Variants in MDGA2 observed in about 807,000 individuals in gnomAD.
MDGA2 encodes the protein MAM domain-containing glycosylphosphatidylinositol anchor protein 2.
MDGA2 carries 40 observed loss-of-function variants against 117.8 expected under a neutral mutation model. That is an observed-to-expected ratio of 0.34 (90% confidence interval 0.26 to 0.44). The LOEUF is 0.44. Among genes scored for constraint, MDGA2 ranks in the 20% least tolerant of loss-of-function variants. The probability of loss-of-function intolerance (pLI) is 1.00; values close to 1 mark genes in which losing one functional copy is unlikely to be tolerated. For missense variants in MDGA2, 1,123 were observed against 1,250.6 expected, an observed-to-expected ratio of 0.90 and a Z score of 1.54; for synonymous variants, 452 against 439.0, an observed-to-expected ratio of 1.03 and a Z score of -0.37.
In MDGA2 at chr14:47,542,647, A is replaced by T. The variant is rs116046570; in HGVS notation, c.280+131870T>A. 2.5e-3 allele frequency among the ~76,000 whole-genome samples: 377 copies of T among 152,336 alleles called. 1 individual carries two copies. Among genetic ancestry groups the T allele is most frequent in the African/African-American group, 8.6e-3 (357 of 41,560 alleles). ...AGAGACAGTATTTTAAGTCATTAGT[A>T]GGTTGAAGACATAATAATATCATTT... On this transcript the variant is annotated intron_variant, in intron 1 of 16. Coordinates refer to ENST00000399232, the MANE Select transcript of MDGA2 (RefSeq NM_001113498.3).
intron 8 of MDGA2, among the ~76,000 whole-genome samples, chr14:46,973,440 T>G (rs1429259368): frequency 6.6e-6 from 1 of 152,136 alleles, no homozygotes; most frequent in African/African-American, 2.4e-5. Context: ...ACATAAAGCT[T>G]GCAGATCAGC....
intron 3 of MDGA2, among the ~76,000 whole-genome samples, chr14:47,164,877 T>C (rs1454088178): frequency 2.6e-5 from 4 of 152,094 alleles, no homozygotes; most frequent in Non-Finnish European, 5.9e-5. Flanking sequence ...ATAGACTGGA[T>C]TGAGAAAATG....
chr14:47,520,091 G>T (rs1894837884), intron 1 of MDGA2, among the ~76,000 whole-genome samples: 1 of 152,136 alleles, frequency 6.6e-6, no homozygotes, highest in Non-Finnish European at 1.5e-5. Flanking sequence ...ACTAATTCCA[G>T]ATCTCAGATA....
At chr14:47,191,208 T>C (rs1352012798) in intron 3 of MDGA2, among the ~76,000 whole-genome samples, 1 of 151,852 alleles carries the variant, frequency 6.6e-6, no homozygotes, top group Non-Finnish European at 1.5e-5. Flanking sequence ...TCATGCATAT[T>C]AGCACTTCAA....
chr14:46,996,236 T>C (rs1057045483), intron 8 of MDGA2, among the ~76,000 whole-genome samples: 1 of 152,184 alleles, frequency 6.6e-6, no homozygotes, highest in Non-Finnish European at 1.5e-5. Context: ...ACTTGAATTA[T>C]CTTTCTAAAT....
intron 1 of MDGA2, among the ~76,000 whole-genome samples, chr14:47,654,447 C>G (rs1897705181): frequency 6.6e-6 from 1 of 151,994 alleles, no homozygotes; most frequent in African/African-American, 2.4e-5. Context: ...GGCCAACTGG[C>G]TAATAACTAA....
Position 47,218,161 on chromosome 14 carries a change from T to A in MDGA2, c.455A>T (p.Asp152Val). 2 of 1,550,852 alleles carry A rather than the reference T, an allele frequency of 1.3e-6. No individual in the cohort carries two copies. Among genetic ancestry groups the A allele is most frequent in the Non-Finnish European group, 1.7e-6 (2 of 1,146,496 alleles). ...GAAGACACTTGAGTCTTGGAATCTGTCAGAGGCACTTCCTGCTGTTTTGGT... is the reference window on the plus strand; with the variant it reads ...GAAGACACTTGAGTCTTGGAATCTGACAGAGGCACTTCCTGCTGTTTTGGT... ...RWTKTAGSASDRFQDSSVFNE... is the reference protein window; with the variant it reads ...RWTKTAGSASVRFQDSSVFNE... Residue 152 changes from aspartate (D) to valine (V), a missense_variant, in exon 3 of 17, where the codon GAC becomes GTC. Coordinates refer to ENST00000399232, the MANE Select transcript of MDGA2 (RefSeq NM_001113498.3).
chr14:47,568,415 A>G (rs1445708983), intron 1 of MDGA2, among the ~76,000 whole-genome samples: 1 of 152,248 alleles, frequency 6.6e-6, no homozygotes, highest in Non-Finnish European at 1.5e-5. Flanking sequence ...GACTGCATGG[A>G]CTACGGATTA....
At chr14:46,862,722 A>C (rs1387567562) in intron 14 of MDGA2, among the ~76,000 whole-genome samples, 1 of 152,048 alleles carries the variant, frequency 6.6e-6, no homozygotes, top group African/African-American at 2.4e-5. Context: ...ATTTCATGTA[A>C]AATGAGGATG....
intron 8 of MDGA2, among the ~76,000 whole-genome samples, chr14:46,988,591 G>C (rs1219884223): frequency 6.6e-6 from 1 of 152,002 alleles, no homozygotes; most frequent in Non-Finnish European, 1.5e-5. Flanking sequence ...GTGGCAGAAG[G>C]ACTCACGGAA....
chr14:46,920,050 C>T lies in MDGA2; in HGVS notation c.2200G>A (p.Val734Met). 6.3e-7 allele frequency: 1 copy of T among 1,591,696 alleles called. No homozygotes were observed. Among genetic ancestry groups the T allele is most frequent in the South Asian group, 1.2e-5 (1 of 85,280 alleles). The change falls in exon 10 of 17, where the codon GTG becomes ATG. Residue 734 changes from valine to methionine, a missense_variant. Transcript: ENST00000399232. ...AACCGGTATGCAACAATCCGATCCACTGCATCAGGATTCATCTGTGTCCAC... is the reference window on the plus strand; with the variant it reads ...AACCGGTATGCAACAATCCGATCCATTGCATCAGGATTCATCTGTGTCCAC... Reference protein sequence around the residue: ...LQWTQMNPDAVDRIVAYRLGI... With the variant: ...LQWTQMNPDAMDRIVAYRLGI...
At chr14:47,110,166 CAA>C (rs5808381) in intron 5 of MDGA2, among the ~76,000 whole-genome samples, 67 of 146,930 alleles carry the variant, frequency 4.6e-4, no homozygotes, top group Admixed American at 1.9e-3. Context: ...GCACCACTCC[CAA>C]AAAAAAAAAA....
intron 1 of MDGA2, among the ~76,000 whole-genome samples, chr14:47,367,974 C>T (rs1594820025): frequency 6.6e-6 from 1 of 152,226 alleles, no homozygotes; most frequent in Non-Finnish European, 1.5e-5. Flanking sequence ...ATGTTAGCCA[C>T]ACACTTTCTA....
chr14:47,357,959 G>A (rs1338363843), intron 1 of MDGA2, among the ~76,000 whole-genome samples: 1 of 152,104 alleles, frequency 6.6e-6, no homozygotes, highest in African/African-American at 2.4e-5. Context: ...CTCAGAGGGG[G>A]ATTTGTAACC....
chr14:47,205,836 C>T (rs1885662671), intron 3 of MDGA2, among the ~76,000 whole-genome samples: 1 of 151,994 alleles, frequency 6.6e-6, no homozygotes, highest in South Asian at 2.1e-4. Flanking sequence ...ATTCTACTCT[C>T]CCTGATGATA....
At chr14:47,349,834 A>C (rs1021499712) in intron 1 of MDGA2, among the ~76,000 whole-genome samples, 1 of 152,200 alleles carries the variant, frequency 6.6e-6, no homozygotes, top group African/African-American at 2.4e-5. Context: ...TTTTACCCCC[A>C]GAAGGTTGAT....
chr14:47,234,504 C>T (rs1175778405), intron 2 of MDGA2, among the ~76,000 whole-genome samples: 1 of 152,072 alleles, frequency 6.6e-6, no homozygotes, highest in Non-Finnish European at 1.5e-5. Flanking sequence ...ACTGCAGCTT[C>T]TATACTTGAT....
chr14:46,972,508 TA>T (rs1886308376), intron 8 of MDGA2, among the ~76,000 whole-genome samples: 1 of 152,164 alleles, frequency 6.6e-6, no homozygotes, highest in Non-Finnish European at 1.5e-5. Flanking sequence ...TTACTTCATT[TA>T]ATATTTATAA....
rs1274122681 is a variant in MDGA2, at chr14:46,987,911, A to G, written c.1820-30268T>C. On this transcript the variant is annotated intron_variant, in intron 8 of 16. Coordinates refer to ENST00000399232, the MANE Select transcript of MDGA2 (RefSeq NM_001113498.3). ...ACTATATATGCCAAAAAGTGTTGGG[A>G]CTGAATATTCTGGGGTGGGGGGGGG... Among the ~76,000 whole-genome samples the G allele has an allele frequency of 2.8e-5, 4 of 140,358 alleles. No individual in the cohort carries two copies. In the East Asian group the frequency reaches 6.4e-4, roughly 23 times the overall value. The allele number at this position is 140,358 out of a possible 152,430, so 92.1% of individuals were successfully genotyped here. A position where few individuals can be genotyped will look rare whatever the true frequency, so the allele number is the denominator to read the frequency against.
Sources: gnomAD v4.1 joint callset for allele counts (sites outside exome capture counted in the v4.1 genomes callset) on GRCh38, gnomAD v4.1.1 for gene constraint, MANE v1.5 for transcripts, NCBI Gene and HGNC (gene_info 2026-07-23, HGNC 2026-07-21) for gene names.